STK33: variants seen among roughly 807,000 people sequenced by gnomAD.
STK33 encodes serine/threonine-protein kinase 33.
Under a neutral mutation model 58.0 loss-of-function variants are expected in STK33, and 52 were observed. That is an observed-to-expected ratio of 0.90 (90% CI 0.72 to 1.13). The LOEUF (loss-of-function observed/expected upper bound fraction) is 1.13, where lower values mean the gene tolerates loss of function less well. STK33 is among the 50% of genes most tolerant of loss of function. The pLI, the probability that STK33 is intolerant of heterozygous loss-of-function variation, is 0.00. For synonymous variants in STK33, 215 were observed against 200.1 expected (o/e 1.07, Z -0.63); for missense variants, 630 against 604.2 (o/e 1.04, Z -0.45).
intron 1 of STK33, among the ~76,000 whole-genome samples, chr11:8,586,391 G>C (rs768978658): frequency 1.3e-5 from 2 of 151,956 alleles, no homozygotes; most frequent in African/African-American, 2.4e-5. Flanking sequence ...TGAGTCTGCT[G>C]CTCCTTCTGC....
At chr11:8,382,633 G>A in the STK33 span, among the ~76,000 whole-genome samples, 1 of 152,138 alleles carries the variant, frequency 6.6e-6, no homozygotes, top group Non-Finnish European at 1.5e-5. Context: ...CCACACCTGC[G>A]CTCACCCTGT....
At chr11:8,426,676 T>C (rs558654398) in intron 14 of STK33, among the ~76,000 whole-genome samples, 1 of 152,346 alleles carries the variant, frequency 6.6e-6, no homozygotes, top group Non-Finnish European at 1.5e-5. Flanking sequence ...TGTCGATCTT[T>C]TCTATTTTAC....
intron 1 of STK33, among the ~76,000 whole-genome samples, chr11:8,579,625 T>C (rs1442918950): frequency 6.6e-6 from 1 of 152,054 alleles, no homozygotes; most frequent in Non-Finnish European, 1.5e-5. Context: ...AAGACTCACA[T>C]GCTTTACAAG....
chr11:8,425,649 C>T (rs775124092), intron 14 of STK33, among the ~76,000 whole-genome samples: 5 of 152,190 alleles, frequency 3.3e-5, no homozygotes, highest in Non-Finnish European at 7.3e-5. Context: ...TGTCTTTCTG[C>T]TTCAAATATG....
chr11:8,416,069 C>A (rs1393903306), intron 14 of STK33, among the ~76,000 whole-genome samples: 1 of 152,172 alleles, frequency 6.6e-6, no homozygotes, highest in African/African-American at 2.4e-5. Flanking sequence ...ATTCAGTTCA[C>A]ACATAGACAG....
At chr11:8,523,498 G>A (rs984930720) in intron 1 of STK33, among the ~76,000 whole-genome samples, 1 of 151,522 alleles carries the variant, frequency 6.6e-6, no homozygotes, top group African/African-American at 2.4e-5. Context: ...TGTCTGAGAA[G>A]CGAGGAGCCC....
rs538818276 is a variant in STK33, at chr11:8,540,466, A to C, written c.-466+53617T>G. 2.3e-3 allele frequency among the ~76,000 whole-genome samples: 353 copies of C among 152,302 alleles called. 1 individual carries two copies. Among genetic ancestry groups the C allele is most frequent in the African/African-American group, 8.1e-3 (338 of 41,564 alleles). On this transcript the variant is annotated intron_variant, in intron 1 of 15. Coordinates refer to ENST00000687296, the MANE Select transcript of STK33 (RefSeq NM_001352389.2). ...GCACTCTAGCCTGGGTGACAGAGCAAGACCCAGTCTTTAAAAAAAAGACAA... is the reference window on the plus strand; with the variant it reads ...GCACTCTAGCCTGGGTGACAGAGCACGACCCAGTCTTTAAAAAAAAGACAA...
chr11:8,404,436 C>T (rs1938713431), intron 15 of STK33, among the ~76,000 whole-genome samples: 1 of 152,126 alleles, frequency 6.6e-6, no homozygotes, highest in South Asian at 2.1e-4. Flanking sequence ...CCAGTCAACC[C>T]TCTTCTCCTG....
At chr11:8,478,343 GTTTC>G (rs1439661871) in intron 2 of STK33, among the ~76,000 whole-genome samples, 1 of 152,098 alleles carries the variant, frequency 6.6e-6, no homozygotes, top group Non-Finnish European at 1.5e-5. Context: ...ATACAATAAT[GTTTC>G]TTTGTGTCTC....
chr11:8,397,726 A>T (rs1256760032), intron 15 of STK33, among the ~76,000 whole-genome samples: 1 of 152,182 alleles, frequency 6.6e-6, no homozygotes, highest in Non-Finnish European at 1.5e-5. Flanking sequence ...AAAAATAGAC[A>T]AATGGCAAAC....
At chr11:8,375,892 T>C in the STK33 span, among the ~76,000 whole-genome samples, 1 of 152,060 alleles carries the variant, frequency 6.6e-6, no homozygotes, top group African/African-American at 2.4e-5. Context: ...AAAGGGCAAA[T>C]TGGAAAAGAG....
chr11:8,349,835 T>C, the STK33 span, among the ~76,000 whole-genome samples: 1 of 152,238 alleles, frequency 6.6e-6, no homozygotes, highest in Non-Finnish European at 1.5e-5. Flanking sequence ...CCAGCTTGGC[T>C]TCTTCCCCTT....
chr11:8,574,625 A>G (rs1175815014), intron 1 of STK33, among the ~76,000 whole-genome samples: 2 of 152,180 alleles, frequency 1.3e-5, no homozygotes, highest in Non-Finnish European at 2.9e-5. Context: ...TAACATTACC[A>G]TGTTACCAAA....
chr11:8,492,206 C>T (rs961888128), intron 1 of STK33, among the ~76,000 whole-genome samples: 7 of 151,928 alleles, frequency 4.6e-5, no homozygotes, highest in African/African-American at 1.2e-4. Context: ...ACCCATCTCA[C>T]GTGCAGAGAC....
intron 15 of STK33, among the ~76,000 whole-genome samples, chr11:8,409,130 C>T (rs914156851): frequency 3.9e-5 from 6 of 152,198 alleles, no homozygotes; most frequent in Non-Finnish European, 5.9e-5. Context: ...GTTGAGGCCA[C>T]CTATTTAACT....
chr11:8,504,548 G>A (rs1000756729), intron 1 of STK33, among the ~76,000 whole-genome samples: 3 of 152,020 alleles, frequency 2.0e-5, no homozygotes, highest in African/African-American at 7.2e-5. Context: ...CAGCACTTTG[G>A]GAGACCAAGG....
At chr11:8,408,842 G>A (rs2135520420) in intron 15 of STK33, among the ~76,000 whole-genome samples, 1 of 152,346 alleles carries the variant, frequency 6.6e-6, no homozygotes, top group Non-Finnish European at 1.5e-5. Flanking sequence ...TCCTCTCCCA[G>A]GGGAGTTGCA....
chr11:8,346,042 G>C, the STK33 span, among the ~76,000 whole-genome samples: 3 of 152,222 alleles, frequency 2.0e-5, no homozygotes, highest in African/African-American at 7.2e-5. Context: ...GCAGAAAACA[G>C]ATGGCACCCT....
chr11:8,335,309 G>C, the STK33 span, among the ~76,000 whole-genome samples: 1 of 152,188 alleles, frequency 6.6e-6, no homozygotes, highest in Non-Finnish European at 1.5e-5. Flanking sequence ...ATGAACTTCA[G>C]AGAGGGGAAG....
Sources: allele counts gnomAD v4.1 joint callset (sites outside exome capture counted in the v4.1 genomes callset), GRCh38; gene constraint gnomAD v4.1.1; transcripts MANE v1.5; gene names NCBI Gene and HGNC (gene_info 2026-07-23, HGNC 2026-07-21).